EPHB2: variants seen among roughly 807,000 people sequenced by gnomAD.
The protein encoded by EPHB2 is ephrin type-B receptor 2.
A neutral mutation model predicts 96.4 loss-of-function variants in EPHB2; 18 were observed. That is an observed-to-expected ratio of 0.19 (90% CI 0.13 to 0.28). The LOEUF is 0.28. Among genes scored for constraint, EPHB2 ranks in the 10% least tolerant of loss-of-function variants. EPHB2 has a pLI of 1.00. For missense variants in EPHB2, 989 were observed against 1,355.4 expected (o/e 0.73, Z 4.25); for synonymous variants, 506 against 534.1 (o/e 0.95, Z 0.72).
At chr1:22,711,927 A>T (rs2148326725) in intron 1 of EPHB2, among the ~76,000 whole-genome samples, 1 of 152,322 alleles carries the variant, frequency 6.6e-6, no homozygotes, top group East Asian at 1.9e-4. Context: ...CTCTGGAGGG[A>T]AAGTTAGTGC....
At chr1:22,876,583 A>G (rs774370174) in intron 5 of EPHB2, among the ~76,000 whole-genome samples, 5 of 151,976 alleles carry the variant, frequency 3.3e-5, no homozygotes, top group Non-Finnish European at 7.4e-5. Flanking sequence ...TTTTGTGCTT[A>G]CTCCCTGGGG....
At chr1:22,743,497 G>T (rs187516344) in intron 1 of EPHB2, among the ~76,000 whole-genome samples, 1 of 152,002 alleles carries the variant, frequency 6.6e-6, no homozygotes. Flanking sequence ...TTGAGACAGG[G>T]TCTCACTCTC....
At chr1:22,816,801 A>T (rs1012631792) in intron 3 of EPHB2, among the ~76,000 whole-genome samples, 1 of 152,220 alleles carries the variant, frequency 6.6e-6, no homozygotes, top group African/African-American at 2.4e-5. Flanking sequence ...TGATGAGGCT[A>T]ATGGTGGCTG....
rs926478680 is a variant in EPHB2 at position 22,715,853 on chromosome 1, TG to T, written c.61+4814del. 2.4e-4 allele frequency among the ~76,000 whole-genome samples: 36 copies of T among 152,360 alleles called. 1 individual carries two copies. The highest frequency in any genetic ancestry group is 7.8e-4 in the Admixed American group (12 of 15,306). On this transcript the variant is annotated intron_variant, in intron 1 of 15. Transcript: ENST00000374630. ...GAGTTCAAATCCCAGCTGTGTGCTCTGGGGCGAGGAGCGCAGACTCCCTGCA... is the reference window on the plus strand; with the variant it reads ...GAGTTCAAATCCCAGCTGTGTGCTCTGGGCGAGGAGCGCAGACTCCCTGCA...
At chr1:22,715,162 CTG>C (rs1368129263) in intron 1 of EPHB2, among the ~76,000 whole-genome samples, 2 of 152,146 alleles carry the variant, frequency 1.3e-5, no homozygotes, top group African/African-American at 2.4e-5. Flanking sequence ...ATATATGATA[CTG>C]TGTTATGTGA....
chr1:22,775,879 C>T (rs12028458), intron 1 of EPHB2, among the ~76,000 whole-genome samples: 1 of 152,192 alleles, frequency 6.6e-6, no homozygotes, highest in Admixed American at 6.5e-5. Context: ...CTTCATCTAT[C>T]CATTGGGATT....
chr1:22,830,709 C>T (rs1240038529), intron 3 of EPHB2, among the ~76,000 whole-genome samples: 1 of 150,932 alleles, frequency 6.6e-6, no homozygotes, highest in Admixed American at 6.6e-5. Context: ...AGGCGCCCAC[C>T]ACCACGCCTG....
At chr1:22,792,900 C>G (rs1158067635) in intron 3 of EPHB2, among the ~76,000 whole-genome samples, 2 of 152,132 alleles carry the variant, frequency 1.3e-5, no homozygotes, top group Non-Finnish European at 2.9e-5. Flanking sequence ...GACGGAGGCA[C>G]CCAGCCCATC....
intron 1 of EPHB2, among the ~76,000 whole-genome samples, chr1:22,747,003 A>G (rs186062090): frequency 8.6e-4 from 131 of 152,336 alleles, no homozygotes; most frequent in Non-Finnish European, 1.5e-3. Context: ...ACAGGTGGTG[A>G]GAGCAGGAGA....
At chr1:22,882,332 A>C (rs1639075356) in intron 5 of EPHB2, 27 bp from the exon 6 acceptor site, 1 of 1,612,410 alleles carries the variant, frequency 6.2e-7, no homozygotes, top group African/African-American at 1.3e-5. Context: ...TGCCTCCCTG[A>C]TCCCTGACCT....
intron 1 of EPHB2, among the ~76,000 whole-genome samples, chr1:22,738,536 A>G (rs766004398): frequency 1.1e-4 from 16 of 152,288 alleles, no homozygotes; most frequent in Admixed American, 2.6e-4. Flanking sequence ...AATTTCCCAG[A>G]AGTCATCCAG....
intron 1 of EPHB2, among the ~76,000 whole-genome samples, chr1:22,741,353 G>A (rs1190105367): frequency 2.0e-5 from 3 of 151,966 alleles, no homozygotes; most frequent in Non-Finnish European, 4.4e-5. Context: ...CCGCGTTCCT[G>A]GAGCCGTCTG....
At chr1:22,910,857 G>C (rs1207463799) in intron 14 of EPHB2, among the ~76,000 whole-genome samples, 5 of 152,232 alleles carry the variant, frequency 3.3e-5, no homozygotes, top group Non-Finnish European at 7.3e-5. Flanking sequence ...CCAAAGGAAG[G>C]CCGGGAGAGA....
At chr1:22,840,214 T>C (rs1210139443) in intron 3 of EPHB2, among the ~76,000 whole-genome samples, 1 of 152,220 alleles carries the variant, frequency 6.6e-6, no homozygotes, top group Non-Finnish European at 1.5e-5. Flanking sequence ...AATGAGATGA[T>C]GTCACTAAAG....
chr1:22,911,303 A>G (rs577583722), intron 14 of EPHB2, among the ~76,000 whole-genome samples: 1 of 152,254 alleles, frequency 6.6e-6, no homozygotes, highest in East Asian at 1.9e-4. Flanking sequence ...CATCACACAC[A>G]TGCTAACACA....
chr1:22,879,764 C>A (rs1233941715), intron 5 of EPHB2, among the ~76,000 whole-genome samples: 1 of 152,226 alleles, frequency 6.6e-6, no homozygotes, highest in Non-Finnish European at 1.5e-5. Flanking sequence ...CTGCAAACAC[C>A]CACAGCACTG....
At chr1:22,824,291 GGAAGGAAAGAAAGAAA>G (rs1284176701) in intron 3 of EPHB2, among the ~76,000 whole-genome samples, 5 of 151,232 alleles carry the variant, frequency 3.3e-5, no homozygotes, top group Admixed American at 6.6e-5. Flanking sequence ...GAAGAAGGAA[GGAAGGAAAGAAAGAAA>G]GAAGGAAAGA....
chr1:22,781,629 T>G, intron 2 of EPHB2, 144 bp downstream of exon 2: 1 of 730,130 alleles, frequency 1.4e-6, no homozygotes, highest in Non-Finnish European at 2.3e-6. Flanking sequence ...ACCCTCCCAA[T>G]CCCCTACCAT....
chr1:22,891,565 A>G (rs2148564351), intron 6 of EPHB2, among the ~76,000 whole-genome samples: 1 of 152,334 alleles, frequency 6.6e-6, no homozygotes, highest in African/African-American at 2.4e-5. Context: ...CGGCTGACAG[A>G]TGCCTAAACG....
Sources: gnomAD v4.1 joint callset for allele counts (sites outside exome capture counted in the v4.1 genomes callset) on GRCh38, gnomAD v4.1.1 for gene constraint, MANE v1.5 for transcripts, NCBI Gene and HGNC (gene_info 2026-07-23, HGNC 2026-07-21) for gene names.